Variants in NFKB1 observed in about 807,000 individuals in gnomAD.
The protein encoded by NFKB1 is nuclear factor kappa B subunit 1, also known as nuclear factor NF-kappa-B p105 subunit.
A neutral mutation model predicts 105.1 loss-of-function variants in NFKB1; 9 were observed. The observed-to-expected ratio is 0.09, with a 90% CI of 0.05 to 0.15. The LOEUF is 0.15. Ranked by LOEUF, NFKB1 falls within the 10% of genes least tolerant of loss-of-function variation. The pLI, the probability that NFKB1 is intolerant of heterozygous loss-of-function variation, is 1.00. For synonymous variants in NFKB1, 440 were observed against 442.2 expected (o/e 1.00, Z 0.06); for missense variants, 830 against 1,203.7 (o/e 0.69, Z 4.59).
intron 16 of NFKB1, among the ~76,000 whole-genome samples, chr4:102,602,448 G>A (rs779881755): frequency 1.3e-5 from 2 of 151,674 alleles, no homozygotes; most frequent in African/African-American, 2.4e-5. Flanking sequence ...GCTGAGGCAG[G>A]AGAATGGTGT....
chr4:102,554,432 A>G (rs757104605), intron 5 of NFKB1, among the ~76,000 whole-genome samples: 23 of 152,230 alleles, frequency 1.5e-4, no homozygotes, highest in Non-Finnish European at 3.2e-4. Context: ...AAAATTTTGA[A>G]CATTCTCAAA....
rs915474825 is a variant in NFKB1 at position 102,506,755 on chromosome 4, C to G, written c.-8+4967C>G. Among the ~76,000 whole-genome samples the G allele has an allele frequency of 2.6e-5, 4 of 152,042 alleles. No individual in the cohort carries two copies. The East Asian group carries it at 7.7e-4, about 29-fold the overall frequency. ...GTGGGAAAACAACCATTTTATTGAG[C>G]GCTGCTCACTTCAGTTCATTCTGCT... On this transcript the variant is annotated intron_variant, in intron 1 of 23. Transcript: ENST00000226574.
At chr4:102,524,640 G>A (rs1273327992) in intron 1 of NFKB1, among the ~76,000 whole-genome samples, 1 of 152,092 alleles carries the variant, frequency 6.6e-6, no homozygotes, top group Non-Finnish European at 1.5e-5. Flanking sequence ...TCACCATAAT[G>A]TAGAATCAGT....
At chr4:102,594,525 TTTGA>T (rs764919592) in intron 12 of NFKB1, among the ~76,000 whole-genome samples, 3 of 152,176 alleles carry the variant, frequency 2.0e-5, no homozygotes, top group Non-Finnish European at 2.9e-5. Flanking sequence ...CTGTGCTTTG[TTTGA>T]TTAAGTTTTT....
rs184332437 is a variant in NFKB1, at chr4:102,568,139, G to A, written c.407+1004G>A. Among the ~76,000 whole-genome samples, 22 of 152,160 alleles carry A rather than the reference G, an allele frequency of 1.4e-4. 1 individual carries two copies. The highest frequency in any genetic ancestry group is 4.6e-4 in the African/African-American group (19 of 41,538). ...GGTTGCATTTCAGGCTTTGAATTCC[G>A]ATCAAGTTTCAAATTGGTTATTATT... is the stretch of plus-strand genomic sequence containing the variant. On this transcript the variant is annotated intron_variant, in intron 6 of 23. Coordinates refer to ENST00000226574, the MANE Select transcript of NFKB1 (RefSeq NM_003998.4).
At chr4:102,517,464 A>AAAAAAC (rs1357752741) in intron 1 of NFKB1, among the ~76,000 whole-genome samples, 2 of 152,200 alleles carry the variant, frequency 1.3e-5, no homozygotes, top group Non-Finnish European at 2.9e-5. Context: ...AGTATTACTT[A>AAAAAAC]AAAAACAAAA....
chr4:102,536,054 T>A (rs1382528606), intron 4 of NFKB1, among the ~76,000 whole-genome samples: 1 of 152,168 alleles, frequency 6.6e-6, no homozygotes, highest in Non-Finnish European at 1.5e-5. Flanking sequence ...TAACTAATAC[T>A]GTTCAAAAAC....
At chr4:102,547,677 A>G (rs1054858201) in intron 5 of NFKB1, among the ~76,000 whole-genome samples, 1 of 152,194 alleles carries the variant, frequency 6.6e-6, no homozygotes, top group African/African-American at 2.4e-5. Flanking sequence ...ATATAACCAA[A>G]TACACTACTA....
intron 1 of NFKB1, among the ~76,000 whole-genome samples, chr4:102,522,380 C>A (rs1222184897): frequency 6.6e-6 from 1 of 152,170 alleles, no homozygotes; most frequent in Non-Finnish European, 1.5e-5. Flanking sequence ...TAACTATCAC[C>A]CACGTGAGCC....
At chr4:102,530,328 TA>T (rs1008266713) in intron 3 of NFKB1, among the ~76,000 whole-genome samples, 5 of 152,162 alleles carry the variant, frequency 3.3e-5, no homozygotes, top group Non-Finnish European at 7.4e-5. Flanking sequence ...ACAGAAATCA[TA>T]AAAATCATCT....
Position 102,616,811 on chromosome 4 carries a change from A to G in NFKB1, c.*217A>G. The stretch of plus-strand genomic sequence containing the variant: ...TTACAGATAGTATCTAGCAATCACA[A>G]CACTGGCTGAGCGGATGCATCTGGG... On this transcript the variant is annotated 3_prime_UTR_variant, in exon 24 of 24. Coordinates refer to ENST00000226574, the MANE Select transcript of NFKB1 (RefSeq NM_003998.4). The G allele has an allele frequency of 2.2e-6, 1 of 452,096 alleles. No individual in the cohort carries two copies. The highest frequency in any genetic ancestry group is 4.0e-6 in the Non-Finnish European group (1 of 251,724). The allele number at this position is 452,096 out of a possible 1,614,324, so 28.0% of individuals were successfully genotyped here. A position where few individuals can be genotyped will look rare whatever the true frequency, so the allele number is the denominator to read the frequency against.
At chr4:102,598,784 C>T (rs368456280) in intron 15 of NFKB1, among the ~76,000 whole-genome samples, 8 of 152,256 alleles carry the variant, frequency 5.3e-5, no homozygotes, top group African/African-American at 1.9e-4. Flanking sequence ...AGAAGATGAG[C>T]ACATACAGGT....
rs545056447 is a variant in NFKB1, at chr4:102,597,717, C to T, written c.1637+56C>T. 8.4e-6 allele frequency: 13 copies of T among 1,553,058 alleles called. No homozygotes were observed. The East Asian group carries it at 1.4e-4, about 16-fold the overall frequency. On this transcript the variant is annotated intron_variant, in intron 15 of 23. Coordinates refer to ENST00000226574, the MANE Select transcript of NFKB1 (RefSeq NM_003998.4). ...CCTGGGTGGGGAAGAAGAAGAGCAT[C>T]GTATAATGCATACTGACTAGAGATA...
At chr4:102,585,585 T>C (rs1235175336) in intron 11 of NFKB1, among the ~76,000 whole-genome samples, 1 of 152,214 alleles carries the variant, frequency 6.6e-6, no homozygotes, top group African/African-American at 2.4e-5. Flanking sequence ...TCATTCTTTC[T>C]CTCACAAAAG....
At chr4:102,556,406 G>A (rs1468921960) in intron 5 of NFKB1, among the ~76,000 whole-genome samples, 1 of 152,204 alleles carries the variant, frequency 6.6e-6, no homozygotes, top group Non-Finnish European at 1.5e-5. Flanking sequence ...ATAAAGGTGA[G>A]AAATGGACTG....
intron 5 of NFKB1, among the ~76,000 whole-genome samples, chr4:102,562,516 G>T (rs1723526103): frequency 6.6e-6 from 1 of 152,124 alleles, no homozygotes; most frequent in Non-Finnish European, 1.5e-5. Context: ...AGAAATGTTG[G>T]TTATTAGTGA....
chr4:102,610,538 C>T lies in NFKB1; in HGVS notation c.2228-37C>T, dbSNP rs56237250. The stretch of plus-strand genomic sequence containing the variant: ...GCAGGCAGTTGGAAGTTGACAAGAT[C>T]TGGGTTTACCTAATGCTGTGTAATC... On this transcript the variant is annotated intron_variant, in intron 19 of 23. Transcript: ENST00000226574. The T allele has an allele frequency of 1.1e-5, 18 of 1,605,006 alleles. 1 individual carries two copies. In the South Asian group the frequency reaches 1.7e-4, roughly 15 times the overall value.
Position 102,537,973 on chromosome 4 carries a change from T to C in NFKB1, c.258+17T>C, listed in dbSNP as rs759912087. On this transcript the variant is annotated intron_variant, in intron 5 of 23. Coordinates refer to ENST00000226574, the MANE Select transcript of NFKB1 (RefSeq NM_003998.4). The stretch of plus-strand genomic sequence containing the variant: ...CAGGTCAAAGTAAGTTTGTGGTAGC[T>C]CTCCTTCTATTTGAATTCTGGAAAT... The C allele has an allele frequency of 8.3e-6, 12 of 1,448,276 alleles. 1 individual carries two copies. In the South Asian group the frequency reaches 1.4e-4, roughly 17 times the overall value. The allele number at this position is 1,448,276 out of a possible 1,614,324, so 89.7% of individuals were successfully genotyped here. A position where few individuals can be genotyped will look rare whatever the true frequency, so the allele number is the denominator to read the frequency against.
At position 102,595,696 on chromosome 4, in the gene NFKB1, T is replaced by C. The variant is rs1317234337; in HGVS notation, c.1301-442T>C. 3.3e-5 allele frequency among the ~76,000 whole-genome samples: 5 copies of C among 152,316 alleles called. No individual in the cohort carries two copies. In the South Asian group the frequency reaches 8.3e-4, roughly 25 times the overall value. ...CTCTCATAGTATCTGTCAGATAACA[T>C]AGTTGAACCTGAAAGAGGGTGATCA... On this transcript the variant is annotated intron_variant, in intron 13 of 23. Coordinates refer to ENST00000226574, the MANE Select transcript of NFKB1 (RefSeq NM_003998.4).
Sources: allele counts gnomAD v4.1 joint callset (sites outside exome capture counted in the v4.1 genomes callset), GRCh38; gene constraint gnomAD v4.1.1; transcripts MANE v1.5; gene names NCBI Gene and HGNC (gene_info 2026-07-23, HGNC 2026-07-21).